NDC1: variants seen among roughly 807,000 people sequenced by gnomAD.
The protein encoded by NDC1 is NDC1 transmembrane nucleoporin.
In NDC1, 24 loss-of-function variants were observed where a neutral mutation model predicts 89.8. That is an observed-to-expected ratio of 0.27 (90% CI 0.19 to 0.38). The LOEUF (loss-of-function observed/expected upper bound fraction) is 0.38, where lower values mean the gene tolerates loss of function less well. Ranked by LOEUF, NDC1 falls within the 10% of genes least tolerant of loss-of-function variation. NDC1 has a pLI of 1.00. For synonymous variants in NDC1, 296 were observed against 284.8 expected, an observed-to-expected ratio of 1.04 and a Z score of -0.39; for missense variants, 728 against 797.6, an observed-to-expected ratio of 0.91 and a Z score of 1.05.
intron 15 of NDC1, among the ~76,000 whole-genome samples, chr1:53,788,249 A>G (rs1038484056): frequency 6.6e-6 from 1 of 151,954 alleles, no homozygotes. Context: ...AGCTATGATC[A>G]TGCCATTGAA....
At chr1:53,769,378 A>G (rs934934816) in intron 17 of NDC1, among the ~76,000 whole-genome samples, 17 of 152,222 alleles carry the variant, frequency 1.1e-4, no homozygotes, top group African/African-American at 4.1e-4. Flanking sequence ...TGTACTAGGT[A>G]TTTTTGTTAA....
At chr1:53,807,581 A>C in intron 8 of NDC1, 75 bp downstream of exon 8, 1 of 1,289,548 alleles carries the variant, frequency 7.8e-7, no homozygotes. Context: ...TGTGCTGATC[A>C]GTGTGCTCTG....
At chr1:53,820,701 C>CTTTTTTTTTTT in intron 5 of NDC1, among the ~76,000 whole-genome samples, 1 of 74,880 alleles carries the variant, frequency 1.3e-5, no homozygotes, top group Non-Finnish European at 2.5e-5. Flanking sequence ...ACTTCTCTCT[C>CTTTTTTTTTTT]TTTTTTTTTT....
At chr1:53,829,936 A>C (rs1162536299) in intron 3 of NDC1, among the ~76,000 whole-genome samples, 4 of 151,984 alleles carry the variant, frequency 2.6e-5, no homozygotes, top group Non-Finnish European at 5.9e-5. Flanking sequence ...GCAGATCATG[A>C]GTTCAGGAGT....
chr1:53,777,998 G>T (rs931825995), intron 16 of NDC1, among the ~76,000 whole-genome samples: 5 of 151,934 alleles, frequency 3.3e-5, no homozygotes, highest in Non-Finnish European at 5.9e-5. Context: ...CGCGCCCGGA[G>T]AATCTTTTTT....
In NDC1 at chr1:53,765,674, G is replaced by T. The variant is rs546049086; in HGVS notation, c.*2296C>A. 2.6e-4 allele frequency: 39 copies of T among 152,204 alleles called. No individual in the cohort carries two copies. Among genetic ancestry groups the T allele is most frequent in the African/African-American group, 9.4e-4 (39 of 41,530 alleles). 9.4% of individuals were successfully genotyped at this position (152,204 alleles called of 1,614,324 possible). ...GGTTTATTTCTAGGACAATTTCCCA[G>T]TTCTCTGGGAAGGAAGTTCTGTGGA... On this transcript the variant is annotated 3_prime_UTR_variant, in exon 18 of 18. Transcript: ENST00000371429.
rs879855584 is a variant in NDC1 at position 53,767,150 on chromosome 1, T to G, written c.*820A>C. The G allele has an allele frequency of 6.6e-6, 1 of 152,218 alleles. No homozygotes were observed. The highest frequency in any genetic ancestry group is 1.5e-5 in the Non-Finnish European group (1 of 68,032). 9.4% of individuals were successfully genotyped at this position (152,218 alleles called of 1,614,324 possible). ...TTCCTGGGTTTTTTTGCAAACCTTT[T>G]TCTCTTGCTTGAAAAACTCTGCAAT... On this transcript the variant is annotated 3_prime_UTR_variant, in exon 18 of 18. Coordinates refer to ENST00000371429, the MANE Select transcript of NDC1 (RefSeq NM_018087.5).
At chr1:53,803,822 C>G (rs1310137076) in intron 10 of NDC1, 106 bp downstream of exon 10, 2 of 788,600 alleles carry the variant, frequency 2.5e-6, no homozygotes, top group Non-Finnish European at 4.4e-6. Flanking sequence ...CCGCCTGCCT[C>G]GGCCTCCCAA....
chr1:53,793,392 A>T, intron 13 of NDC1, 113 bp from the exon 14 acceptor site: 2 of 826,154 alleles, frequency 2.4e-6, no homozygotes, highest in South Asian at 3.0e-5. Context: ...GAAACACTTC[A>T]CATCTTGTGG....
intron 16 of NDC1, among the ~76,000 whole-genome samples, chr1:53,776,270 T>A (rs1189857820): frequency 1.3e-5 from 2 of 152,096 alleles, no homozygotes; most frequent in African/African-American, 2.4e-5. Flanking sequence ...AAATTCCTCT[T>A]ATATGATCAA....
chr1:53,806,895 C>T (rs1648126750), intron 8 of NDC1, among the ~76,000 whole-genome samples: 1 of 152,132 alleles, frequency 6.6e-6, no homozygotes, highest in African/African-American at 2.4e-5. Flanking sequence ...TATCCAGAAG[C>T]TCACCTCAAT....
chr1:53,836,506 T>C (rs904525124), intron 1 of NDC1, among the ~76,000 whole-genome samples: 8 of 145,302 alleles, frequency 5.5e-5, no homozygotes, highest in African/African-American at 2.1e-4. Context: ...TTCTTTTTGA[T>C]GTTGTGATTT....
rs1470290407 is a variant in NDC1 at position 53,766,769 on chromosome 1, A to T, written c.*1201T>A. On this transcript the variant is annotated 3_prime_UTR_variant, in exon 18 of 18. Transcript: ENST00000371429. ...CTGACTTTAAAGAAAATATTTTGGG[A>T]CACTAGAAGGAAAAGACAATAGGAA... 6.6e-6 allele frequency: 1 copy of T among 152,222 alleles called. No homozygotes were observed. The highest frequency in any genetic ancestry group is 6.5e-5 in the Admixed American group (1 of 15,276). The allele number at this position is 152,222 out of a possible 1,614,324, so 9.4% of individuals were successfully genotyped here. A position where few individuals can be genotyped will look rare whatever the true frequency, so the allele number is the denominator to read the frequency against.
rs1016989600 is a variant in NDC1 at position 53,804,465 on chromosome 1, G to A, written c.985-456C>T. Reference sequence around the variant, plus strand: ...CATATCCAAAGGCAGTGCCTAGCACGTGATACCTAATTTTTTTTTTCCTTT... The same window carrying A: ...CATATCCAAAGGCAGTGCCTAGCACATGATACCTAATTTTTTTTTTCCTTT... On this transcript the variant is annotated intron_variant, in intron 9 of 17. Transcript: ENST00000371429. 9.9e-5 allele frequency among the ~76,000 whole-genome samples: 15 copies of A among 152,154 alleles called. 1 individual carries two copies. In the East Asian group the frequency reaches 1.5e-3, roughly 16 times the overall value.
chr1:53,825,957 T>C (rs375698883), intron 4 of NDC1, 21 bp from the exon 5 acceptor site: 13 of 1,607,990 alleles, frequency 8.1e-6, no homozygotes, highest in African/African-American at 1.3e-5. Context: ...AAAATTAAGT[T>C]ATTAATTCAA....
chr1:53,812,864 C>G (rs1648357290), intron 6 of NDC1, among the ~76,000 whole-genome samples: 1 of 152,098 alleles, frequency 6.6e-6, no homozygotes, highest in African/African-American at 2.4e-5. Context: ...ACAGAAGCAC[C>G]AGGTAACCTA....
At position 53,772,387 on chromosome 1, in the gene NDC1, T is replaced by C. The variant is rs1037137633; in HGVS notation, c.1903A>G (p.Arg635Gly). The C allele has an allele frequency of 6.2e-7, 1 of 1,614,034 alleles. No individual in the cohort carries two copies. ...TSYKTLRFAFRASLKTAIYRI... is the reference protein window; with the variant it reads ...TSYKTLRFAFGASLKTAIYRI... ...TAGATGGCAGTTTTCAGTGATGCTCTGAATGCAAATCTTAATGTTTTATAT... is the reference window on the plus strand; with the variant it reads ...TAGATGGCAGTTTTCAGTGATGCTCCGAATGCAAATCTTAATGTTTTATAT... The change falls in exon 17 of 18, where the codon AGA (arginine) becomes GGA (glycine). Residue 635 changes from arginine (R) to glycine (G), a missense_variant. By Grantham distance (125) the Arg-to-Gly change is moderately radical. Coordinates refer to ENST00000371429, the MANE Select transcript of NDC1 (RefSeq NM_018087.5).
At chr1:53,809,664 G>A (rs774958410) in intron 7 of NDC1, 31 bp downstream of exon 7, 6 of 1,498,828 alleles carry the variant, frequency 4.0e-6, no homozygotes, top group Non-Finnish European at 5.5e-6. Context: ...TGGAAACAGA[G>A]TTAAAATTAG....
intron 10 of NDC1, among the ~76,000 whole-genome samples, chr1:53,803,603 ACT>A (rs1185927236): frequency 2.0e-5 from 3 of 151,914 alleles, no homozygotes; most frequent in African/African-American, 4.8e-5. Flanking sequence ...ACGGAGTCTC[ACT>A]CTGTCACCCA....
Sources: allele counts gnomAD v4.1 joint callset (sites outside exome capture counted in the v4.1 genomes callset), GRCh38; gene constraint gnomAD v4.1.1; transcripts MANE v1.5; gene names NCBI Gene and HGNC (gene_info 2026-07-23, HGNC 2026-07-21).